CR2: variants seen among roughly 807,000 people sequenced by gnomAD.
CR2 encodes complement C3d receptor 2, also known as complement receptor type 2.
A neutral mutation model predicts 123.0 loss-of-function variants in CR2; 96 were observed. The ratio of observed to expected loss-of-function variants is 0.78; its 90% CI spans 0.66 to 0.93. The LOEUF is 0.93. CR2 is among the 40% of genes least tolerant of loss of function. The pLI is 0.00. For synonymous variants in CR2, 484 were observed against 469.5 expected, an observed-to-expected ratio of 1.03 and a Z score of -0.40; for missense variants, 1,258 against 1,361.0, an observed-to-expected ratio of 0.92 and a Z score of 1.19.
intron 19 of CR2, among the ~76,000 whole-genome samples, chr1:207,486,801 G>T (rs975620876): frequency 6.6e-6 from 1 of 152,184 alleles, no homozygotes; most frequent in Non-Finnish European, 1.5e-5. Context: ...CTAAGCAACT[G>T]GAAGGATAGA....
In CR2 at chr1:207,489,128, A is replaced by G. The variant is rs779928301; in HGVS notation, c.*19-14A>G. ...TATTCATGCTGCCTCCTAAACAGAA[A>G]TGATCTATTTCAGTGTGCCTCATTG... is the stretch of plus-strand genomic sequence containing the variant. On this transcript the variant is annotated splice_polypyrimidine_tract_variant and intron_variant, in intron 19 of 19. Transcript: ENST00000367057. 1.6e-4 allele frequency: 24 copies of G among 152,346 alleles called. No homozygotes were observed. Among genetic ancestry groups the G allele is most frequent in the Non-Finnish European group, 2.8e-4 (19 of 68,034 alleles). 9.4% of individuals were successfully genotyped at this position (152,346 alleles called of 1,614,324 possible).
At chr1:207,477,357 C>T (rs968810796) in intron 15 of CR2, among the ~76,000 whole-genome samples, 1 of 152,128 alleles carries the variant, frequency 6.6e-6, no homozygotes, top group African/African-American at 2.4e-5. Flanking sequence ...AACCCCACCC[C>T]CATGATCCAA....
chr1:207,459,165 A>G (rs2102295557), intron 1 of CR2, among the ~76,000 whole-genome samples: 1 of 152,328 alleles, frequency 6.6e-6, no homozygotes, highest in Non-Finnish European at 1.5e-5. Context: ...GAGGTTATAC[A>G]GGCAGATGCC....
In CR2 at chr1:207,477,963, C is replaced by A; in HGVS notation, c.2981C>A (p.Ala994Asp). ...CCAAGGAAAATGTATCAGTATGGAGCTGTTGTAACTCTGGAGTGTGAAGAT... is the reference window on the plus strand; with the variant it reads ...CCAAGGAAAATGTATCAGTATGGAGATGTTGTAACTCTGGAGTGTGAAGAT... Reference protein sequence around the residue: ...LEPRKMYQYGAVVTLECEDGY... With the variant: ...LEPRKMYQYGDVVTLECEDGY... The change falls in exon 16 of 20, where the codon GCT (alanine) becomes GAT (aspartate). Residue 994 changes from alanine to aspartate, a missense_variant. By Grantham distance (126) the Ala-to-Asp change is moderately radical (BLOSUM62 -2). Coordinates refer to ENST00000367057, the MANE Select transcript of CR2 (RefSeq NM_001006658.3). 1 of 1,614,014 alleles carries A rather than the reference C, an allele frequency of 6.2e-7. No homozygotes were observed. Among genetic ancestry groups the A allele is most frequent in the Non-Finnish European group, 8.5e-7 (1 of 1,179,974 alleles).
chr1:207,473,234 A>G, intron 10 of CR2, 55 bp downstream of exon 10: 1 of 1,594,194 alleles, frequency 6.3e-7, no homozygotes. Flanking sequence ...ATTCTTGTTT[A>G]TTATCTCCCA....
At chr1:207,476,609 A>G (rs1430655950) in intron 15 of CR2, among the ~76,000 whole-genome samples, 190 bp downstream of exon 15, 1 of 152,226 alleles carries the variant, frequency 6.6e-6, no homozygotes, top group Admixed American at 6.5e-5. Flanking sequence ...GCTGTAGTCT[A>G]TCTGGTGAAT....
intron 10 of CR2, 26 bp downstream of exon 10, chr1:207,473,205 A>G: frequency 6.2e-7 from 1 of 1,611,382 alleles, no homozygotes; most frequent in Middle Eastern, 1.7e-4. Context: ...GGGGGAAAAA[A>G]GGAGAGATTT....
intron 1 of CR2, among the ~76,000 whole-genome samples, chr1:207,458,948 C>A (rs945843713): frequency 3.3e-5 from 5 of 150,514 alleles, no homozygotes; most frequent in African/African-American, 1.2e-4. Context: ...AACTAAATAA[C>A]AAACAGGGAA....
chr1:207,458,875 T>C (rs1312275239), intron 1 of CR2, among the ~76,000 whole-genome samples: 1 of 152,200 alleles, frequency 6.6e-6, no homozygotes, highest in African/African-American at 2.4e-5. Context: ...TTGTCTCTGA[T>C]GTTCACAGAT....
chr1:207,487,606 G>A (rs1658785530), intron 19 of CR2, among the ~76,000 whole-genome samples: 1 of 152,228 alleles, frequency 6.6e-6, no homozygotes, highest in African/African-American at 2.4e-5. Flanking sequence ...TAAGTAAAGT[G>A]CTAGTAAGAG....
chr1:207,473,471 A>G (rs1658345787), intron 10 of CR2, 74 bp from the exon 11 acceptor site: 1 of 1,444,726 alleles, frequency 6.9e-7, no homozygotes, highest in Non-Finnish European at 9.7e-7. Flanking sequence ...CTGTCTGTCC[A>G]ATGTTGTACA....
At chr1:207,468,104 T>A (rs776288362) in intron 2 of CR2, among the ~76,000 whole-genome samples, 1 of 152,220 alleles carries the variant, frequency 6.6e-6, no homozygotes, top group Non-Finnish European at 1.5e-5. Context: ...TATTTATGGC[T>A]ATTTGTGGCA....
intron 14 of CR2, 137 bp from the exon 15 acceptor site, chr1:207,476,097 G>A: frequency 1.3e-6 from 1 of 767,282 alleles, no homozygotes. Context: ...TGGTCTGGGT[G>A]GAATGAATGA....
At chr1:207,467,900 A>G (rs761005287) in intron 2 of CR2, among the ~76,000 whole-genome samples, 120 of 152,354 alleles carry the variant, frequency 7.9e-4, no homozygotes, top group Non-Finnish European at 1.5e-3. Context: ...TATCATGCAT[A>G]GGATCCCAAT....
At chr1:207,487,735 GAGA>G (rs1372941256) in intron 19 of CR2, among the ~76,000 whole-genome samples, 1 of 152,202 alleles carries the variant, frequency 6.6e-6, no homozygotes, top group Non-Finnish European at 1.5e-5. Context: ...CAGAAAGAGA[GAGA>G]AGAATTGCTC....
In CR2 at chr1:207,472,874, C is replaced by A. The variant is rs1658321935; in HGVS notation, c.1673C>A (p.Pro558His). Residue 558 changes from proline (P) to histidine (H), a missense_variant, in exon 10 of 20, where the codon CCT becomes CAT. Transcript: ENST00000367057. Reference protein sequence around the residue: ...YGTTVTYTCNPGPERGVEFSL... With the variant: ...YGTTVTYTCNHGPERGVEFSL... ...ACCACGGTCACTTACACATGTAACC[C>A]TGGGCCAGAAAGAGGAGTGGAATTC... The A allele has an allele frequency of 6.2e-7, 1 of 1,614,044 alleles. No individual in the cohort carries two copies. Among genetic ancestry groups the A allele is most frequent in the Non-Finnish European group, 8.5e-7 (1 of 1,179,968 alleles).
chr1:207,487,152 T>C (rs771137882), intron 19 of CR2, among the ~76,000 whole-genome samples: 1 of 152,192 alleles, frequency 6.6e-6, no homozygotes, highest in Non-Finnish European at 1.5e-5. Context: ...CCTCTGATAC[T>C]ATCCAGAGAA....
Position 207,485,521 on chromosome 1 carries a change from A to G in CR2, c.3246A>G (p.Val1082=), listed in dbSNP as rs970596194. 2 of 1,613,380 alleles carry G rather than the reference A, an allele frequency of 1.2e-6. No individual in the cohort carries two copies. The highest frequency in any genetic ancestry group is 1.1e-5 in the South Asian group (1 of 91,056). The change falls in exon 19 of 20, where the codon GTA becomes GTG. Residue 1082 remains valine (V), a synonymous_variant. Coordinates refer to ENST00000367057, the MANE Select transcript of CR2 (RefSeq NM_001006658.3). ...CTTTTCATTTAGAAGCACGAGAAGT[A>G]TATTCTGTTGATCCATACAACCCAG... is the stretch of plus-strand genomic sequence containing the variant. ...KEAFHLEARE[V]YSVDPYNPAS
chr1:207,458,823 G>C (rs983747069), intron 1 of CR2, among the ~76,000 whole-genome samples: 38 of 152,068 alleles, frequency 2.5e-4, no homozygotes, highest in Non-Finnish European at 7.4e-5. Flanking sequence ...TTTACAGTCT[G>C]TCTCTTTCTG....
Sources: allele counts gnomAD v4.1 joint callset (sites outside exome capture counted in the v4.1 genomes callset), GRCh38; gene constraint gnomAD v4.1.1; transcripts MANE v1.5; gene names NCBI Gene and HGNC (gene_info 2026-07-23, HGNC 2026-07-21).